The following PCDHGB1 variants were observed in gnomAD, a reference collection of about 807,000 sequenced individuals.
PCDHGB1 encodes the protein protocadherin gamma-B1.
A neutral mutation model predicts 56.6 loss-of-function variants in PCDHGB1; 34 were observed. That is an observed-to-expected ratio of 0.60 (90% confidence interval 0.46 to 0.80). The LOEUF is 0.80. Ranked by LOEUF, PCDHGB1 falls within the 30% of genes least tolerant of loss-of-function variation. PCDHGB1 has a pLI of 0.00. For synonymous variants in PCDHGB1, 561 were observed against 505.9 expected, an observed-to-expected ratio of 1.11 and a Z score of -1.46; for missense variants, 1,278 against 1,204.6, an observed-to-expected ratio of 1.06 and a Z score of -0.90.
At chr5:141,383,385 G>T (rs1779091849) in intron 1 of PCDHGB1, 4 of 1,613,960 alleles carry the variant, frequency 2.5e-6, no homozygotes, top group Non-Finnish European at 3.4e-6. Context: ...ATCCAGATGT[G>T]GGCACGAACT....
chr5:141,502,524 C>T (rs959562458), intron 2 of PCDHGB1, among the ~76,000 whole-genome samples: 3 of 151,910 alleles, frequency 2.0e-5, no homozygotes, highest in East Asian at 1.9e-4. Flanking sequence ...TCAGTGATGC[C>T]GAGTTTGTTC....
intron 2 of PCDHGB1, among the ~76,000 whole-genome samples, chr5:141,504,178 A>C (rs572543892): frequency 4.5e-4 from 69 of 152,366 alleles, no homozygotes; most frequent in Non-Finnish European, 7.6e-4. Context: ...AAATTCAAAA[A>C]AATCATGAAA....
At chr5:141,474,447 G>A (rs1263877262) in intron 1 of PCDHGB1, among the ~76,000 whole-genome samples, 1 of 152,218 alleles carries the variant, frequency 6.6e-6, no homozygotes, top group Non-Finnish European at 1.5e-5. Flanking sequence ...AGTAGCAAGT[G>A]ATTGGGCTAT....
At chr5:141,357,689 A>C in intron 1 of PCDHGB1, 1 of 1,561,198 alleles carries the variant, frequency 6.4e-7, no homozygotes, top group Non-Finnish European at 8.7e-7. Context: ...AATGTCTCTC[A>C]TTTTATATGT....
rs2093099818 is a variant in PCDHGB1 at position 141,394,799 on chromosome 5, A to T, written c.2409+42130A>T. On this transcript the variant is annotated intron_variant, in intron 1 of 3. Transcript: ENST00000523390. The stretch of plus-strand genomic sequence containing the variant: ...TCTCCGCCACTGTCACGCTCACCGT[A>T]GCCGTGGCTGACAGCATCCCCGAAG... 3 of 1,613,690 alleles carry T rather than the reference A, an allele frequency of 1.9e-6. No individual in the cohort carries two copies. The Admixed American group carries it at 5.0e-5, about 27-fold the overall frequency.
chr5:141,501,290 TACACACACACACACACACAC>T (rs55762287), intron 2 of PCDHGB1, among the ~76,000 whole-genome samples: 1 of 136,162 alleles, frequency 7.3e-6, no homozygotes, highest in Non-Finnish European at 1.6e-5. Flanking sequence ...TATTCCCTTA[TACACACACACACACACACAC>T]ACACACACAC....
intron 1 of PCDHGB1, among the ~76,000 whole-genome samples, chr5:141,446,150 A>G (rs754792549): frequency 6.6e-6 from 1 of 152,216 alleles, no homozygotes; most frequent in Non-Finnish European, 1.5e-5. Flanking sequence ...GAATAGGTGG[A>G]ATATAAATTT....
At chr5:141,504,980 G>A (rs113323355) in intron 2 of PCDHGB1, among the ~76,000 whole-genome samples, 174 of 152,196 alleles carry the variant, frequency 1.1e-3, no homozygotes, top group African/African-American at 3.9e-3. Context: ...TGGCCAACAT[G>A]GTGAAACCCC....
intron 1 of PCDHGB1, chr5:141,427,247 T>C (rs1409945260): frequency 2.2e-6 from 1 of 456,582 alleles, no homozygotes; most frequent in Non-Finnish European, 4.4e-6. Context: ...AAGCTAAGGA[T>C]GGTGGAGGCA....
chr5:141,352,212 C>G lies in PCDHGB1; in HGVS notation c.1952C>G (p.Ser651Cys). 1.9e-6 allele frequency: 3 copies of G among 1,614,058 alleles called. No individual in the cohort carries two copies. The highest frequency in any genetic ancestry group is 2.5e-6 in the Non-Finnish European group (3 of 1,179,902). Residue 651 changes from serine (S) to cysteine (C), a missense_variant, in exon 1 of 4, where the codon TCC becomes TGC. Coordinates refer to ENST00000523390, the MANE Select transcript of PCDHGB1 (RefSeq NM_018922.3). ...CGTGATGGAGGACAGCCGCCACTCT[C>G]CGCCACCGCCACGCTGCACCTAATC... ...AVRDGGQPPL[S>C]ATATLHLIFA...
In PCDHGB1 at chr5:141,403,112, C is replaced by CT. The variant is rs765071462; in HGVS notation, c.2409+50444dup. The CT allele has an allele frequency of 3.1e-6, 5 of 1,614,074 alleles. No individual in the cohort carries two copies. In the South Asian group the frequency reaches 5.5e-5, roughly 18 times the overall value. On this transcript the variant is annotated intron_variant, in intron 1 of 3. Transcript: ENST00000523390. Reference sequence around the variant, plus strand: ...GGGCAACATCTCCAAGGACCTGGCTCTGGAGCCCCGGGAGCTGGCGGAGCG... The same window carrying CT: ...GGGCAACATCTCCAAGGACCTGGCTCTTGGAGCCCCGGGAGCTGGCGGAGCG...
chr5:141,502,629 G>A (rs1368174848), intron 2 of PCDHGB1, among the ~76,000 whole-genome samples: 1 of 152,096 alleles, frequency 6.6e-6, no homozygotes, highest in Non-Finnish European at 1.5e-5. Context: ...GTAATCTGTG[G>A]ATGATACTTT....
intron 1 of PCDHGB1, among the ~76,000 whole-genome samples, chr5:141,482,385 A>T (rs1238551737): frequency 6.6e-6 from 1 of 152,210 alleles, no homozygotes; most frequent in Non-Finnish European, 1.5e-5. Context: ...AAGTCCCTGT[A>T]TGGAGCAAGT....
At chr5:141,398,079 G>A (rs1409220171) in intron 1 of PCDHGB1, 9 of 1,596,334 alleles carry the variant, frequency 5.6e-6, no homozygotes, top group Middle Eastern at 3.8e-4. Context: ...GAGGTTATTT[G>A]TAACCTGGCG....
intron 1 of PCDHGB1, chr5:141,364,987 C>G (rs1267926945): frequency 6.2e-7 from 1 of 1,613,904 alleles, no homozygotes; most frequent in African/African-American, 1.3e-5. Context: ...ATGGCGGAGA[C>G]CCGGTACTCT....
intron 1 of PCDHGB1, among the ~76,000 whole-genome samples, chr5:141,451,571 A>G (rs2098719323): frequency 6.6e-6 from 1 of 152,188 alleles, no homozygotes; most frequent in Non-Finnish European, 1.5e-5. Context: ...CAATCTTTTT[A>G]TAAACCTAAT....
chr5:141,419,007 GGT>G (rs1181124538), intron 1 of PCDHGB1: 1 of 1,613,978 alleles, frequency 6.2e-7, no homozygotes, highest in South Asian at 1.1e-5. Flanking sequence ...GGGGAAGTCA[GGT>G]GTAGCTTAAG....
At chr5:141,462,905 T>G (rs542357408) in intron 1 of PCDHGB1, among the ~76,000 whole-genome samples, 265 of 152,356 alleles carry the variant, frequency 1.7e-3, no homozygotes, top group Non-Finnish European at 3.1e-3. Flanking sequence ...AAGGCTATTA[T>G]GTTTTTTGCA....
rs761704779 is a variant in PCDHGB1 at position 141,486,764 on chromosome 5, C to T, written c.2410-8043C>T. ...CTTTGACTATGAGCAAACCCAGACA[C>T]TGCAGTTTGAGGTGCAGGCCCGGGA... On this transcript the variant is annotated intron_variant, in intron 1 of 3. Transcript: ENST00000523390. This position sits in a 1 kb window ranked among gnomAD's most constrained non-coding sequence, Gnocchi z 5.0. 6.2e-7 allele frequency: 1 copy of T among 1,614,264 alleles called. No homozygotes were observed. The highest frequency in any genetic ancestry group is 2.2e-5 in the East Asian group (1 of 44,880).
Sources: gnomAD v4.1 joint callset for allele counts (sites outside exome capture counted in the v4.1 genomes callset) on GRCh38, gnomAD v4.1.1 for gene constraint, Gnocchi (gnomAD v3.1) non-coding constraint, MANE v1.5 for transcripts, NCBI Gene and HGNC (gene_info 2026-07-23, HGNC 2026-07-21) for gene names.